Variants in COL27A1 observed in about 807,000 individuals in gnomAD.
COL27A1 encodes collagen alpha-1(XXVII) chain.
A neutral mutation model predicts 251.3 loss-of-function variants in COL27A1; 106 were observed. That is an observed-to-expected ratio of 0.42 (90% CI 0.36 to 0.50). The LOEUF is 0.50. Among genes scored for constraint, COL27A1 ranks in the 20% least tolerant of loss-of-function variants. The pLI is 0.00. For missense variants in COL27A1, 2,325 were observed against 2,522.8 expected (o/e 0.92, Z 1.68); for synonymous variants, 1,000 against 986.3 (o/e 1.01, Z -0.26).
At chr9:114,222,163 A>G in intron 13 of COL27A1, 60 bp from the exon 14 acceptor site, 1 of 1,474,278 alleles carries the variant, frequency 6.8e-7, no homozygotes, top group Non-Finnish European at 9.5e-7. Flanking sequence ...GATGACATGG[A>G]GGGAGGGGCC....
chr9:114,249,497 G>C (rs975584786), intron 24 of COL27A1, among the ~76,000 whole-genome samples: 1 of 152,196 alleles, frequency 6.6e-6, no homozygotes, highest in Non-Finnish European at 1.5e-5. Context: ...GGGAAGGTGC[G>C]TGGTCTTTGG....
chr9:114,178,268 C>G (rs1055043869), intron 3 of COL27A1, 23 bp from the exon 4 acceptor site: 1 of 1,609,518 alleles, frequency 6.2e-7, no homozygotes, highest in African/African-American at 1.3e-5. Flanking sequence ...CTGTCTAATG[C>G]TGTCTTCTTG....
chr9:114,227,248 C>T (rs1831532600), intron 14 of COL27A1, among the ~76,000 whole-genome samples: 1 of 151,822 alleles, frequency 6.6e-6, no homozygotes, highest in Admixed American at 6.5e-5. Context: ...TTTTCTGAGT[C>T]TCCAACCTGA....
At chr9:114,244,786 C>T (rs188191449) in intron 23 of COL27A1, among the ~76,000 whole-genome samples, 1 of 152,312 alleles carries the variant, frequency 6.6e-6, no homozygotes, top group African/African-American at 2.4e-5. Context: ...CTCTCTCCCT[C>T]AGATACCAGT....
chr9:114,278,210 C>T (rs1003187044), intron 37 of COL27A1, among the ~76,000 whole-genome samples: 10 of 144,424 alleles, frequency 6.9e-5, no homozygotes, highest in Middle Eastern at 3.6e-3. Context: ...GTGGTAATGA[C>T]GATAATAATG....
intron 32 of COL27A1, among the ~76,000 whole-genome samples, chr9:114,265,848 G>A (rs535833645): frequency 9.9e-5 from 15 of 152,266 alleles, no homozygotes; most frequent in Non-Finnish European, 1.8e-4. Flanking sequence ...CATGGCTGAA[G>A]TGGAAAGCGG....
At chr9:114,206,462 C>T (rs1414762360) in intron 10 of COL27A1, among the ~76,000 whole-genome samples, 166 bp downstream of exon 10, 1 of 152,178 alleles carries the variant, frequency 6.6e-6, no homozygotes, top group East Asian at 1.9e-4. Flanking sequence ...TGATGGGAGA[C>T]CCTTGAGCCA....
chr9:114,201,461 G>A (rs970648491), intron 7 of COL27A1, among the ~76,000 whole-genome samples: 10 of 152,168 alleles, frequency 6.6e-5, no homozygotes, highest in African/African-American at 1.9e-4. Flanking sequence ...CCTACCTCCC[G>A]CCTTGGCTAT....
At position 114,219,775 on chromosome 9, in the gene COL27A1, C is replaced by T. The variant is rs1432897056; in HGVS notation, c.2368-16C>T. On this transcript the variant is annotated splice_polypyrimidine_tract_variant and intron_variant, in intron 12 of 60. Transcript: ENST00000356083. ...ACACTAACCTACAGATGTTTGTTCT[C>T]TCTCATGCCCTCCAGGGGTTTCCTG... The T allele has an allele frequency of 2.5e-6, 4 of 1,594,188 alleles. No individual in the cohort carries two copies. Among genetic ancestry groups the T allele is most frequent in the East Asian group, 2.2e-5 (1 of 44,764 alleles).
intron 2 of COL27A1, among the ~76,000 whole-genome samples, chr9:114,163,284 CTG>C (rs1046565108): frequency 6.6e-6 from 1 of 151,968 alleles, no homozygotes; most frequent in Admixed American, 6.6e-5. Flanking sequence ...AGGAAGGACT[CTG>C]TGCAGAAATG....
chr9:114,247,899 A>G (rs757017100), intron 24 of COL27A1, among the ~76,000 whole-genome samples: 53 of 152,204 alleles, frequency 3.5e-4, no homozygotes, highest in Non-Finnish European at 1.2e-4. Context: ...TTTTAGCATT[A>G]TAATGGCAAA....
At position 114,155,958 on chromosome 9, in the gene COL27A1, C is replaced by T; in HGVS notation, c.8C>T (p.Ala3Val). The change falls in exon 1 of 61, where the codon GCG becomes GTG. Residue 3 changes from alanine (A) to valine (V), a missense_variant. Ala to Val is a moderately conservative substitution (Grantham distance 64). Coordinates refer to ENST00000356083, the MANE Select transcript of COL27A1 (RefSeq NM_032888.4). The surrounding 1 kb of genome is among the most constrained non-coding windows in gnomAD (Gnocchi z 5.5). ...ATGAAGTAGGGGCCTGCCATGGGAG[C>T]GGGATCGGCGCGGGGGGCCCGAGGC... Reference protein sequence around the residue: MGAGSARGARGTA... With the variant: MGVGSARGARGTA... 3.9e-6 allele frequency: 5 copies of T among 1,278,328 alleles called. No individual in the cohort carries two copies. Among genetic ancestry groups the T allele is most frequent in the Non-Finnish European group, 4.0e-6 (4 of 1,009,284 alleles). The allele number at this position is 1,278,328 out of a possible 1,614,324, so 79.2% of individuals were successfully genotyped here.
intron 5 of COL27A1, among the ~76,000 whole-genome samples, chr9:114,191,540 A>G (rs1432327565): frequency 6.6e-6 from 1 of 152,132 alleles, no homozygotes; most frequent in East Asian, 1.9e-4. Context: ...CTGTTCCTGC[A>G]TTAGTTTGCT....
intron 10 of COL27A1, among the ~76,000 whole-genome samples, chr9:114,207,749 G>C (rs1355103393): frequency 3.3e-5 from 5 of 152,204 alleles, no homozygotes; most frequent in African/African-American, 1.2e-4. Context: ...CAGGCTTTGA[G>C]ACCTGCCCTG....
intron 28 of COL27A1, among the ~76,000 whole-genome samples, chr9:114,262,253 C>T (rs1834394978): frequency 1.3e-5 from 2 of 152,200 alleles, no homozygotes; most frequent in East Asian, 1.9e-4. Context: ...ACAGTGTCCA[C>T]GTGAGCCTGA....
intron 2 of COL27A1, 148 bp from the exon 3 acceptor site, chr9:114,167,540 TG>T (rs1848971529): frequency 1.4e-6 from 1 of 692,684 alleles, no homozygotes. Flanking sequence ...GCCACCACCA[TG>T]GGGCGGTGTC....
At chr9:114,250,747 C>A in intron 25 of COL27A1, 79 bp downstream of exon 25, 1 of 1,329,848 alleles carries the variant, frequency 7.5e-7, no homozygotes, top group Non-Finnish European at 1.1e-6. Flanking sequence ...GGCCCTTTGA[C>A]CTGGGGATTT....
chr9:114,172,506 A>G (rs534635420), intron 3 of COL27A1, among the ~76,000 whole-genome samples: 1 of 152,314 alleles, frequency 6.6e-6, no homozygotes, highest in East Asian at 1.9e-4. Context: ...TTTTATTTGC[A>G]TATAAAGCTG....
intron 14 of COL27A1, 94 bp downstream of exon 14, chr9:114,222,361 A>G (rs1831174820): frequency 8.1e-6 from 9 of 1,110,006 alleles, no homozygotes; most frequent in Non-Finnish European, 9.1e-6. Flanking sequence ...CCTGCAGGGG[A>G]GGTTGAAAAG....
Sources: gnomAD v4.1 joint callset for allele counts (sites outside exome capture counted in the v4.1 genomes callset) on GRCh38, gnomAD v4.1.1 for gene constraint, Gnocchi (gnomAD v3.1) non-coding constraint, MANE v1.5 for transcripts, NCBI Gene and HGNC (gene_info 2026-07-23, HGNC 2026-07-21) for gene names.